The following PPP2R3A variants were observed in gnomAD, a reference collection of about 807,000 sequenced individuals.
The protein encoded by PPP2R3A is serine/threonine-protein phosphatase 2A regulatory subunit B'' subunit alpha.
In PPP2R3A, 80 loss-of-function variants were observed where a neutral mutation model predicts 106.9. That is an observed-to-expected ratio of 0.75 (90% CI 0.62 to 0.90). PPP2R3A has a LOEUF of 0.90. Among genes scored for constraint, PPP2R3A ranks in the 40% least tolerant of loss-of-function variants. The pLI, the probability that PPP2R3A is intolerant of heterozygous loss-of-function variation, is 0.00. For synonymous variants in PPP2R3A, 483 were observed against 468.3 expected, an observed-to-expected ratio of 1.03 and a Z score of -0.41; for missense variants, 1,386 against 1,350.4, an observed-to-expected ratio of 1.03 and a Z score of -0.41.
chr3:136,140,561 C>T (rs1157730479), intron 13 of PPP2R3A, among the ~76,000 whole-genome samples: 1 of 151,802 alleles, frequency 6.6e-6, no homozygotes, highest in Admixed American at 6.6e-5. Context: ...CCAGCCTGAC[C>T]AACATGGAGA....
chr3:136,140,919 T>C (rs1226635231), intron 13 of PPP2R3A, among the ~76,000 whole-genome samples: 2 of 152,162 alleles, frequency 1.3e-5, no homozygotes, highest in African/African-American at 4.8e-5. Flanking sequence ...AATAAATGAA[T>C]GAATGAATGA....
chr3:135,968,102 A>G (rs1937143421), intron 1 of PPP2R3A, among the ~76,000 whole-genome samples: 1 of 152,224 alleles, frequency 6.6e-6, no homozygotes, highest in African/African-American at 2.4e-5. Context: ...GGTGTTTACT[A>G]TACTAAGCTT....
chr3:136,130,339 G>T (rs1035887912), intron 13 of PPP2R3A, among the ~76,000 whole-genome samples: 1 of 152,240 alleles, frequency 6.6e-6, no homozygotes, highest in Admixed American at 6.5e-5. Flanking sequence ...AAAATCAATT[G>T]TGCAAAAATC....
intron 10 of PPP2R3A, among the ~76,000 whole-genome samples, chr3:136,096,199 T>TAA (rs1250300133): frequency 6.6e-6 from 1 of 152,226 alleles, no homozygotes; most frequent in African/African-American, 2.4e-5. Flanking sequence ...CAAAAAATTC[T>TAA]AAGTCAAACC....
intron 3 of PPP2R3A, among the ~76,000 whole-genome samples, chr3:136,038,573 ACT>A (rs1183263130): frequency 6.6e-6 from 1 of 151,854 alleles, no homozygotes; most frequent in African/African-American, 2.4e-5. Context: ...TTCATGAGTG[ACT>A]CTAATGGTGG....
rs767444385 is a variant in PPP2R3A at position 136,002,375 on chromosome 3, C to T, written c.877C>T (p.Pro293Ser). ...TRLASYLKKL[P>S]FEFMQSGNNE... is the part of the protein sequence containing the mutation. ...GTTAGCATCCTATCTGAAAAAGTTA[C>T]CATTTGAATTCATGCAGTCTGGGAA... Residue 293 changes from proline to serine, a missense_variant, in exon 2 of 14, where the codon CCA becomes TCA. By Grantham distance (74) the Pro-to-Ser change is moderately conservative (BLOSUM62 -1). Transcript: ENST00000264977. The T allele has an allele frequency of 1.7e-5, 28 of 1,613,788 alleles. No individual in the cohort carries two copies. The Admixed American group carries it at 3.3e-4, about 19-fold the overall frequency.
At position 136,145,226 on chromosome 3, in the gene PPP2R3A, G is replaced by A. The variant is rs1437123912; in HGVS notation, c.*60G>A. The A allele has an allele frequency of 2.6e-6, 4 of 1,549,072 alleles. No individual in the cohort carries two copies. The highest frequency in any genetic ancestry group is 1.7e-4 in the Middle Eastern group (1 of 5,722). ...TTTAAATGTTTCTTTCTTGTGAAGA[G>A]ATGTTCTCGTTTGCATACTGCTTTT... On this transcript the variant is annotated 3_prime_UTR_variant, in exon 14 of 14. Transcript: ENST00000264977.
chr3:136,004,688 T>C (rs760694111), intron 2 of PPP2R3A, among the ~76,000 whole-genome samples: 1 of 152,078 alleles, frequency 6.6e-6, no homozygotes, highest in African/African-American at 2.4e-5. Flanking sequence ...ACAAAAAGTA[T>C]GAAGAAATAC....
At chr3:136,129,240 T>C (rs1263117013) in intron 13 of PPP2R3A, among the ~76,000 whole-genome samples, 3 of 151,744 alleles carry the variant, frequency 2.0e-5, no homozygotes, top group Admixed American at 6.6e-5. Flanking sequence ...GAGGTGGTTT[T>C]TTGAAAAAAT....
intron 2 of PPP2R3A, among the ~76,000 whole-genome samples, chr3:136,008,906 A>C (rs558605236): frequency 2.6e-4 from 40 of 152,162 alleles, no homozygotes; most frequent in African/African-American, 8.9e-4. Context: ...TAATCTGTCT[A>C]ATATGCCCTT....
At chr3:136,033,136 T>C (rs1009970204) in intron 3 of PPP2R3A, among the ~76,000 whole-genome samples, 1 of 152,256 alleles carries the variant, frequency 6.6e-6, no homozygotes, top group Non-Finnish European at 1.5e-5. Context: ...GAGATGATCA[T>C]GTGATTTTGG....
At position 136,002,650 on chromosome 3, in the gene PPP2R3A, T is replaced by A. The variant is rs765911947; in HGVS notation, c.1152T>A (p.Asp384Glu). 1 of 1,613,584 alleles carries A rather than the reference T, an allele frequency of 6.2e-7. No individual in the cohort carries two copies. The highest frequency in any genetic ancestry group is 8.5e-7 in the Non-Finnish European group (1 of 1,179,576). Residue 384 changes from aspartate (D) to glutamate (E), a missense_variant, in exon 2 of 14, where the codon GAT (aspartate) becomes GAA (glutamate). By Grantham distance (45) the Asp-to-Glu change is conservative. Transcript: ENST00000264977. ...TNSLYNLEVN[D>E]PRTLKAVQVQ... The stretch of plus-strand genomic sequence containing the variant: ...CCTTATATAACTTAGAGGTAAATGA[T>A]CCTAGAACTCTAAAAGCTGTCCAGG...
chr3:136,111,778 A>C (rs1457874768), intron 13 of PPP2R3A, among the ~76,000 whole-genome samples: 1 of 152,026 alleles, frequency 6.6e-6, no homozygotes, highest in African/African-American at 2.4e-5. Flanking sequence ...TCAAGGAGGG[A>C]CTCCTCTCTA....
chr3:136,105,906 G>A (rs753776681), intron 12 of PPP2R3A, among the ~76,000 whole-genome samples: 2 of 152,066 alleles, frequency 1.3e-5, no homozygotes, highest in Non-Finnish European at 2.9e-5. Flanking sequence ...GCTGCAGTGA[G>A]CCGAGATCGT....
chr3:136,013,308 A>G lies in PPP2R3A; in HGVS notation c.1995+9815A>G, dbSNP rs1224260190. Among the ~76,000 whole-genome samples the G allele has an allele frequency of 3.3e-5, 5 of 152,130 alleles. No homozygotes were observed. In the South Asian group the frequency reaches 6.2e-4, roughly 19 times the overall value. On this transcript the variant is annotated intron_variant, in intron 2 of 13. Coordinates refer to ENST00000264977, the MANE Select transcript of PPP2R3A (RefSeq NM_002718.5). ...TTTTGCAATTGCAAATTGTGCTGCT[A>G]TAAACGTGAGTGTGCAAGTATCTTT...
intron 13 of PPP2R3A, among the ~76,000 whole-genome samples, chr3:136,128,607 C>G (rs1302131709): frequency 6.6e-6 from 1 of 152,182 alleles, no homozygotes; most frequent in Admixed American, 6.5e-5. Context: ...TTAGACAGAT[C>G]AATGAGACAG....
Position 136,144,198 on chromosome 3 carries a change from A to C in PPP2R3A, c.3330-845A>C. Among the ~76,000 whole-genome samples, 2 of 152,252 alleles carry C rather than the reference A, an allele frequency of 1.3e-5. 1 individual carries two copies. The highest frequency in any genetic ancestry group is 2.9e-5 in the Non-Finnish European group (2 of 68,038). On this transcript the variant is annotated intron_variant, in intron 13 of 13. Coordinates refer to ENST00000264977, the MANE Select transcript of PPP2R3A (RefSeq NM_002718.5). ...CACCTAAAAGGTTTAGCAGAAGGACATCTTCCCAGGATGAGTATCCAGGTC... is the reference window on the plus strand; with the variant it reads ...CACCTAAAAGGTTTAGCAGAAGGACCTCTTCCCAGGATGAGTATCCAGGTC...
chr3:135,991,757 C>A lies in PPP2R3A; in HGVS notation c.-440-9302C>A, dbSNP rs867034654. 2.0e-5 allele frequency among the ~76,000 whole-genome samples: 3 copies of A among 152,160 alleles called. No individual in the cohort carries two copies. The South Asian group carries it at 6.2e-4, about 32-fold the overall frequency. ...AGGGAAGTGACTTGACCAAGTTACC[C>A]AGCTAGTCAGTGCAGAAGCTGACTG... On this transcript the variant is annotated intron_variant, in intron 1 of 13. Transcript: ENST00000264977.
chr3:136,020,292 C>G (rs1934420696), intron 2 of PPP2R3A, among the ~76,000 whole-genome samples: 1 of 152,044 alleles, frequency 6.6e-6, no homozygotes, highest in Admixed American at 6.6e-5. Context: ...AACATTTTAA[C>G]TCAGGCATTA....
Sources: gnomAD v4.1 joint callset for allele counts (sites outside exome capture counted in the v4.1 genomes callset) on GRCh38, gnomAD v4.1.1 for gene constraint, MANE v1.5 for transcripts, NCBI Gene and HGNC (gene_info 2026-07-23, HGNC 2026-07-21) for gene names.